FMN2: variants seen among roughly 807,000 people sequenced by gnomAD.
FMN2 encodes formin-2.
FMN2 carries 51 observed loss-of-function variants against 142.3 expected under a neutral mutation model. That is an observed-to-expected ratio of 0.36 (90% CI 0.29 to 0.45). The LOEUF (loss-of-function observed/expected upper bound fraction) is 0.45, where lower values mean the gene tolerates loss of function less well. Among genes scored for constraint, FMN2 ranks in the 20% least tolerant of loss-of-function variants. The pLI, the probability that FMN2 is intolerant of heterozygous loss-of-function variation, is 1.00. For missense variants in FMN2, 1,936 were observed against 2,122.8 expected (o/e 0.91, Z 1.73); for synonymous variants, 882 against 869.8 (o/e 1.01, Z -0.25).
At chr1:240,118,397 G>T (rs994083692) in intron 1 of FMN2, among the ~76,000 whole-genome samples, 8 of 152,136 alleles carry the variant, frequency 5.3e-5, no homozygotes, top group Admixed American at 1.3e-4. Context: ...GACGCTGCTG[G>T]GGCTGCATGC....
chr1:240,449,170 A>G (rs546092217), intron 16 of FMN2, among the ~76,000 whole-genome samples: 24 of 151,932 alleles, frequency 1.6e-4, no homozygotes, highest in African/African-American at 4.3e-4. Flanking sequence ...GTTAAAGTAC[A>G]TAAGAAGAAA....
intron 7 of FMN2, among the ~76,000 whole-genome samples, chr1:240,263,339 G>A (rs563672085): frequency 1.2e-4 from 19 of 152,268 alleles, no homozygotes; most frequent in Middle Eastern, 3.4e-3. Context: ...TAGTCTGCAC[G>A]AGACATCTAG....
intron 15 of FMN2, among the ~76,000 whole-genome samples, chr1:240,397,926 A>G (rs1289752833): frequency 1.3e-5 from 2 of 152,082 alleles, no homozygotes; most frequent in Non-Finnish European, 2.9e-5. Flanking sequence ...CAATTTCTAA[A>G]GAGAAACCTT....
At chr1:240,287,885 A>G (rs1669644192) in intron 7 of FMN2, among the ~76,000 whole-genome samples, 1 of 152,174 alleles carries the variant, frequency 6.6e-6, no homozygotes, top group Non-Finnish European at 1.5e-5. Context: ...TATGCAGATA[A>G]TAAGTTGTGT....
In FMN2 at chr1:240,211,155, G is replaced by A; in HGVS notation, c.3985G>A (p.Glu1329Lys). 1 of 1,613,554 alleles carries A rather than the reference G, an allele frequency of 6.2e-7. No homozygotes were observed. Among genetic ancestry groups the A allele is most frequent in the East Asian group, 2.2e-5 (1 of 44,842 alleles). The change falls in exon 6 of 18, where the codon GAG becomes AAG. Residue 1329 changes from glutamate to lysine, a missense_variant. Glu to Lys is a moderately conservative substitution (Grantham distance 56). Around this residue, in one of 8 missense-constraint regions of FMN2, gnomAD observed 259 missense variants for 230.9 expected, o/e 1.12. Coordinates refer to ENST00000319653, the MANE Select transcript of FMN2 (RefSeq NM_020066.5). ...GCCATCCATAGATTGTCATGAATTTGAGGAATTATTTTCTAAAACTGCTGT... is the reference window on the plus strand; with the variant it reads ...GCCATCCATAGATTGTCATGAATTTAAGGAATTATTTTCTAAAACTGCTGT... ...EEPSIDCHEF[E>K]ELFSKTAVKE...
rs1331058585 is a variant in FMN2, at chr1:240,230,411, A to G, written c.4065+19176A>G. ...GTGTAAATGAAGTTAAAATGAGAGC[A>G]GGAAGAGCTGACGTCCCCTAAAGCT... is the stretch of plus-strand genomic sequence containing the variant. On this transcript the variant is annotated intron_variant, in intron 6 of 17. Coordinates refer to ENST00000319653, the MANE Select transcript of FMN2 (RefSeq NM_020066.5). Among the ~76,000 whole-genome samples, 5 of 132,074 alleles carry G rather than the reference A, an allele frequency of 3.8e-5. 1 individual carries two copies. The highest frequency in any genetic ancestry group is 6.4e-5 in the Non-Finnish European group (4 of 62,964). The allele number at this position is 132,074 out of a possible 152,430, so 86.6% of individuals were successfully genotyped here.
At chr1:240,246,740 A>G (rs1361765223) in intron 6 of FMN2, among the ~76,000 whole-genome samples, 2 of 152,222 alleles carry the variant, frequency 1.3e-5, no homozygotes, top group Non-Finnish European at 2.9e-5. Context: ...CATAATCTCT[A>G]CACAGTCCTG....
At chr1:240,368,211 G>T (rs1307324964) in intron 14 of FMN2, among the ~76,000 whole-genome samples, 1 of 152,004 alleles carries the variant, frequency 6.6e-6, no homozygotes, top group Non-Finnish European at 1.5e-5. Flanking sequence ...CCTCCTCTTG[G>T]TAGTTTATTC....
intron 14 of FMN2, among the ~76,000 whole-genome samples, chr1:240,373,360 G>C (rs1257274286): frequency 6.6e-6 from 1 of 152,104 alleles, no homozygotes; most frequent in Non-Finnish European, 1.5e-5. Context: ...GAAGTGTGCT[G>C]AATCAATTGA....
intron 14 of FMN2, among the ~76,000 whole-genome samples, chr1:240,356,668 T>C (rs1932589): frequency 0.61 from 92,344 of 152,048 alleles, 30,120 homozygotes; most frequent in African/African-American, 0.86. Context: ...TATCATGCCA[T>C]GCTCTGGGAA....
intron 15 of FMN2, among the ~76,000 whole-genome samples, chr1:240,395,353 G>A (rs1673739717): frequency 6.6e-6 from 1 of 152,174 alleles, no homozygotes; most frequent in African/African-American, 2.4e-5. Flanking sequence ...CATTCATTTT[G>A]TAGCTCATGG....
Position 240,413,120 on chromosome 1 carries a change from C to CAAAAAAAAAA in FMN2, c.4910+20578_4910+20587dup, listed in dbSNP as rs35590068. On this transcript the variant is annotated intron_variant, in intron 15 of 17. Transcript: ENST00000319653. ...CCTGGGCGACAAAGCGAGACTCTGT[C>CAAAAAAAAAA]AAAAAAAAAAAAAAAAAAAAAAAAA... is the stretch of plus-strand genomic sequence containing the variant. Among the ~76,000 whole-genome samples, 41 of 24,584 alleles carry CAAAAAAAAAA rather than the reference C, an allele frequency of 1.7e-3. 1 individual carries two copies. The highest frequency in any genetic ancestry group is 6.5e-3 in the East Asian group (2 of 306). The allele number at this position is 24,584 out of a possible 152,430, so 16.1% of individuals were successfully genotyped here. A position where few individuals can be genotyped will look rare whatever the true frequency, so the allele number is the denominator to read the frequency against.
At chr1:240,397,004 C>T (rs943432075) in intron 15 of FMN2, among the ~76,000 whole-genome samples, 3 of 152,132 alleles carry the variant, frequency 2.0e-5, no homozygotes, top group Non-Finnish European at 4.4e-5. Context: ...TATTATAGTT[C>T]TGTTTTCAGT....
intron 6 of FMN2, among the ~76,000 whole-genome samples, chr1:240,253,519 G>A (rs1432936767): frequency 6.6e-6 from 1 of 151,774 alleles, no homozygotes; most frequent in Non-Finnish European, 1.5e-5. Flanking sequence ...TCTTTGTATT[G>A]TTTATATGAA....
chr1:240,288,405 G>T (rs1669662813), intron 7 of FMN2, among the ~76,000 whole-genome samples: 1 of 152,080 alleles, frequency 6.6e-6, no homozygotes, highest in Non-Finnish European at 1.5e-5. Flanking sequence ...CATGTCTTTT[G>T]TCAACCTAGA....
rs186969445 is a variant in FMN2, at chr1:240,464,392, T to C, written c.5061-7980T>C. Among the ~76,000 whole-genome samples, 33 of 152,312 alleles carry C rather than the reference T, an allele frequency of 2.2e-4. 1 individual carries two copies. In the East Asian group the frequency reaches 6.0e-3, roughly 28 times the overall value. ...GGGAATTAATTTGATTGGTCAAATA[T>C]GTTTTCTTATGAGTAAATGATCCTC... is the stretch of plus-strand genomic sequence containing the variant. On this transcript the variant is annotated intron_variant, in intron 16 of 17. Coordinates refer to ENST00000319653, the MANE Select transcript of FMN2 (RefSeq NM_020066.5).
rs757029663 is a variant in FMN2 at position 240,257,977 on chromosome 1, A to G, written c.4098A>G (p.Gln1366=). 1 of 1,612,954 alleles carries G rather than the reference A, an allele frequency of 6.2e-7. No homozygotes were observed. Among genetic ancestry groups the G allele is most frequent in the Non-Finnish European group, 8.5e-7 (1 of 1,179,684 alleles). ...VVKLLSNKRS[Q]AVGILMSSLH... ...AGTTATTAAGCAACAAAAGATCACAAGCAGTTGGAATACTAATGTCTAGCC... is the reference window on the plus strand; with the variant it reads ...AGTTATTAAGCAACAAAAGATCACAGGCAGTTGGAATACTAATGTCTAGCC... The change falls in exon 7 of 18, where the codon CAA becomes CAG. Residue 1366 remains glutamine, a synonymous_variant. Transcript: ENST00000319653.
At chr1:240,287,858 C>A (rs10926197) in intron 7 of FMN2, among the ~76,000 whole-genome samples, 1,688 of 152,278 alleles carry the variant, frequency 0.011, 31 homozygotes, top group African/African-American at 0.038. Flanking sequence ...AGATGAGGAA[C>A]TTGAGACTCT....
At chr1:240,097,889 G>A (rs1000671933) in intron 1 of FMN2, among the ~76,000 whole-genome samples, 3 of 152,070 alleles carry the variant, frequency 2.0e-5, no homozygotes, top group African/African-American at 7.2e-5. Context: ...GGCTCAGACA[G>A]TAAAGTAACT....
Sources: gnomAD v4.1 joint callset for allele counts (sites outside exome capture counted in the v4.1 genomes callset) on GRCh38, gnomAD v4.1.1 for gene constraint, gnomAD v4.1.1 regional missense constraint, MANE v1.5 for transcripts, NCBI Gene and HGNC (gene_info 2026-07-23, HGNC 2026-07-21) for gene names.